CSRNP3: variants seen among roughly 807,000 people sequenced by gnomAD.
The protein encoded by CSRNP3 is cysteine/serine-rich nuclear protein 3.
CSRNP3 carries 12 observed loss-of-function variants against 48.0 expected under a neutral mutation model. The ratio of observed to expected loss-of-function variants is 0.25; its 90% CI spans 0.16 to 0.41. CSRNP3 has a LOEUF of 0.41. Among genes scored for constraint, CSRNP3 ranks in the 10% least tolerant of loss-of-function variants. The pLI, the probability that CSRNP3 is intolerant of heterozygous loss-of-function variation, is 1.00. For synonymous variants in CSRNP3, 263 were observed against 269.7 expected (o/e 0.98, Z 0.24); for missense variants, 580 against 724.4 (o/e 0.80, Z 2.29).
chr2:165,527,574 T>C (rs1490840510), intron 3 of CSRNP3, among the ~76,000 whole-genome samples: 2 of 151,826 alleles, frequency 1.3e-5, no homozygotes, highest in African/African-American at 4.9e-5. Context: ...CACATATAAA[T>C]ATCACACACA....
In CSRNP3 at chr2:165,683,614, A is replaced by G. The variant is rs1413224951; in HGVS notation, c.*3861A>G. ...AAGTTTATGACTCTTTGGTCTTTAT[A>G]TTCAAAATTTATTAAGTATCAATTC... On this transcript the variant is annotated 3_prime_UTR_variant, in exon 7 of 7. Transcript: ENST00000651982. 6.6e-6 allele frequency: 1 copy of G among 152,050 alleles called. No individual in the cohort carries two copies. The highest frequency in any genetic ancestry group is 2.4e-5 in the African/African-American group (1 of 41,428). The allele number at this position is 152,050 out of a possible 1,614,324, so 9.4% of individuals were successfully genotyped here. A position where few individuals can be genotyped will look rare whatever the true frequency, so the allele number is the denominator to read the frequency against.
intron 3 of CSRNP3, among the ~76,000 whole-genome samples, chr2:165,592,666 C>G (rs1259598980): frequency 6.6e-6 from 1 of 152,038 alleles, no homozygotes; most frequent in Non-Finnish European, 1.5e-5. Flanking sequence ...TTATAAGGGG[C>G]TTTTTCCCTT....
intron 3 of CSRNP3, among the ~76,000 whole-genome samples, chr2:165,527,753 A>T (rs556271873): frequency 6.6e-6 from 1 of 152,194 alleles, no homozygotes; most frequent in African/African-American, 2.4e-5. Flanking sequence ...CAACATAAAG[A>T]GATAAATGGC....
At chr2:165,556,154 G>A (rs991301451) in intron 3 of CSRNP3, among the ~76,000 whole-genome samples, 9 of 152,158 alleles carry the variant, frequency 5.9e-5, no homozygotes, top group Non-Finnish European at 1.3e-4. Flanking sequence ...AAAAGTCAGT[G>A]ATTATTAGTA....
intron 4 of CSRNP3, among the ~76,000 whole-genome samples, chr2:165,627,707 T>C (rs1391978704): frequency 6.6e-6 from 1 of 152,176 alleles, no homozygotes; most frequent in African/African-American, 2.4e-5. Flanking sequence ...TTCTTCCTCT[T>C]GTCACATGAC....
At position 165,573,202 on chromosome 2, in the gene CSRNP3, C is replaced by A. The variant is rs577133232; in HGVS notation, c.-23-21841C>A. On this transcript the variant is annotated intron_variant, in intron 3 of 6. Coordinates refer to ENST00000651982, the MANE Select transcript of CSRNP3 (RefSeq NM_001172173.2). ...TTTTCATGTTATATTTCTTTTGACA[C>A]ATGAAAAAGATTATTGCACAAAACC... 3.0e-4 allele frequency among the ~76,000 whole-genome samples: 45 copies of A among 152,010 alleles called. 1 individual carries two copies. Among genetic ancestry groups the A allele is most frequent in the African/African-American group, 1.0e-3 (43 of 41,514 alleles).
intron 3 of CSRNP3, among the ~76,000 whole-genome samples, chr2:165,573,259 T>C (rs1010230538): frequency 2.0e-5 from 3 of 152,128 alleles, no homozygotes; most frequent in Non-Finnish European, 2.9e-5. Context: ...CATTGATATT[T>C]AGAGAAAAAC....
chr2:165,475,840 C>G (rs1338777942), intron 1 of CSRNP3, among the ~76,000 whole-genome samples: 1 of 152,118 alleles, frequency 6.6e-6, no homozygotes, highest in Non-Finnish European at 1.5e-5. Flanking sequence ...ATTGTCCAAA[C>G]GCTATCTGTG....
intron 3 of CSRNP3, among the ~76,000 whole-genome samples, chr2:165,552,945 C>T (rs1685116748): frequency 6.6e-6 from 1 of 152,062 alleles, no homozygotes; most frequent in South Asian, 2.1e-4. Flanking sequence ...ATGCCTACCT[C>T]GGCCTCCCAC....
chr2:165,581,796 C>A (rs951948054), intron 3 of CSRNP3, among the ~76,000 whole-genome samples: 30 of 152,178 alleles, frequency 2.0e-4, no homozygotes, highest in Admixed American at 2.0e-3. Flanking sequence ...CTCTGCCTCC[C>A]AAAGTGCTAG....
At chr2:165,621,487 T>G (rs1315495333) in intron 4 of CSRNP3, among the ~76,000 whole-genome samples, 1 of 152,112 alleles carries the variant, frequency 6.6e-6, no homozygotes, top group Non-Finnish European at 1.5e-5. Context: ...AGACATGATT[T>G]CCAGTGGAGC....
chr2:165,623,926 G>A (rs1573926282), intron 4 of CSRNP3, among the ~76,000 whole-genome samples: 1 of 152,134 alleles, frequency 6.6e-6, no homozygotes, highest in Non-Finnish European at 1.5e-5. Flanking sequence ...ACAAAAGGGA[G>A]TATCTCCTTG....
In CSRNP3 at chr2:165,685,826, T is replaced by G. The variant is rs1409474737; in HGVS notation, c.*6073T>G. 6.6e-6 allele frequency: 1 copy of G among 152,122 alleles called. No homozygotes were observed. 9.4% of individuals were successfully genotyped at this position (152,122 alleles called of 1,614,324 possible). A position where few individuals can be genotyped will look rare whatever the true frequency, so the allele number is the denominator to read the frequency against. ...GATAGAATTTATTTTGGATAACATT[T>G]GTATTCAGCATGCTAATGATGTAAC... On this transcript the variant is annotated 3_prime_UTR_variant, in exon 7 of 7. Coordinates refer to ENST00000651982, the MANE Select transcript of CSRNP3 (RefSeq NM_001172173.2).
intron 3 of CSRNP3, among the ~76,000 whole-genome samples, chr2:165,552,857 G>A (rs1489769050): frequency 6.6e-6 from 1 of 151,902 alleles, no homozygotes; most frequent in African/African-American, 2.4e-5. Flanking sequence ...ACCATGCCCG[G>A]CTAATTTTTG....
chr2:165,474,168 A>G (rs1683928908), intron 1 of CSRNP3, among the ~76,000 whole-genome samples: 1 of 152,144 alleles, frequency 6.6e-6, no homozygotes, highest in South Asian at 2.1e-4. Context: ...AAAAATCACC[A>G]ACACTATCAA....
rs1340299521 is a variant in CSRNP3 at position 165,666,238 on chromosome 2, AAG to A, written c.408+8227_408+8228del. On this transcript the variant is annotated intron_variant, in intron 5 of 6. Coordinates refer to ENST00000651982, the MANE Select transcript of CSRNP3 (RefSeq NM_001172173.2). ...AAGACAGAGAGGAAGGAAGGGAGGA[AAG>A]AGAGAGAGGAAGAAAGAAAGACAGA... Among the ~76,000 whole-genome samples the A allele has an allele frequency of 1.3e-4, 17 of 128,156 alleles. 1 individual carries two copies. Among genetic ancestry groups the A allele is most frequent in the African/African-American group, 4.2e-4 (14 of 33,328 alleles). 84.1% of individuals were successfully genotyped at this position (128,156 alleles called of 152,430 possible).
intron 1 of CSRNP3, among the ~76,000 whole-genome samples, chr2:165,484,529 TC>T (rs1356013747): frequency 6.6e-6 from 1 of 152,176 alleles, no homozygotes; most frequent in African/African-American, 2.4e-5. Context: ...CATCTGTACT[TC>T]CCCCTGTTTG....
At chr2:165,616,289 GT>G (rs1686241691) in intron 4 of CSRNP3, among the ~76,000 whole-genome samples, 1 of 151,858 alleles carries the variant, frequency 6.6e-6, no homozygotes, top group South Asian at 2.1e-4. Context: ...TGTTTTGGTG[GT>G]TTTTCTGTAA....
intron 3 of CSRNP3, among the ~76,000 whole-genome samples, chr2:165,573,448 A>G (rs1375838600): frequency 6.6e-6 from 1 of 152,250 alleles, no homozygotes; most frequent in African/African-American, 2.4e-5. Context: ...TTATGTTTCA[A>G]ATAGAGAGAT....
Sources: allele counts gnomAD v4.1 joint callset (sites outside exome capture counted in the v4.1 genomes callset), GRCh38; gene constraint gnomAD v4.1.1; transcripts MANE v1.5; gene names NCBI Gene and HGNC (gene_info 2026-07-23, HGNC 2026-07-21).